The following KALRN variants were observed in gnomAD, a reference collection of about 807,000 sequenced individuals.
KALRN encodes kalirin.
In KALRN, 70 loss-of-function variants were observed where a neutral mutation model predicts 353.7. The observed-to-expected ratio is 0.20, with a 90% CI of 0.16 to 0.24. The LOEUF (loss-of-function observed/expected upper bound fraction) is 0.24, where lower values mean the gene tolerates loss of function less well. KALRN is among the 10% of genes least tolerant of loss of function. The pLI is 1.00. For synonymous variants in KALRN, 1,391 were observed against 1,434.8 expected (o/e 0.97, Z 0.69); for missense variants, 2,791 against 3,756.7 (o/e 0.74, Z 6.72).
chr3:124,544,176 C>A (rs1203139287), intron 33 of KALRN, among the ~76,000 whole-genome samples: 3 of 152,170 alleles, frequency 2.0e-5, no homozygotes, highest in Non-Finnish European at 4.4e-5. Flanking sequence ...GTTTGTAAAG[C>A]CTTGCAGAAG....
chr3:124,254,526 G>A (rs1267557958), intron 3 of KALRN, among the ~76,000 whole-genome samples: 1 of 151,158 alleles, frequency 6.6e-6, no homozygotes, highest in East Asian at 1.9e-4. Context: ...CCTTGTGACT[G>A]TAAGCAACTT....
intron 1 of KALRN, among the ~76,000 whole-genome samples, chr3:124,171,691 T>C (rs1326093699): frequency 6.6e-6 from 1 of 152,192 alleles, no homozygotes; most frequent in Admixed American, 6.5e-5. Flanking sequence ...GGCTATCTTA[T>C]AAACAACCTA....
At chr3:124,539,305 T>C (rs1193090016) in intron 33 of KALRN, among the ~76,000 whole-genome samples, 5 of 152,222 alleles carry the variant, frequency 3.3e-5, no homozygotes, top group Non-Finnish European at 7.3e-5. Flanking sequence ...TGGGGACTGA[T>C]AGATCTTCTC....
At chr3:124,470,463 A>G (rs1186181391) in intron 25 of KALRN, among the ~76,000 whole-genome samples, 2 of 152,198 alleles carry the variant, frequency 1.3e-5, no homozygotes. Context: ...CAACATTTAC[A>G]TTGAGATGGT....
At chr3:124,594,440 G>A (rs2076086008) in intron 34 of KALRN, among the ~76,000 whole-genome samples, 1 of 152,148 alleles carries the variant, frequency 6.6e-6, no homozygotes, top group Admixed American at 6.5e-5. Context: ...TGGCCAGGAT[G>A]GTCTCGATCT....
rs2093746881 is a variant in KALRN, at chr3:124,443,870, A to G, written c.3313+1811A>G. 3.3e-5 allele frequency among the ~76,000 whole-genome samples: 5 copies of G among 152,174 alleles called. No individual in the cohort carries two copies. In the South Asian group the frequency reaches 1.0e-3, roughly 32 times the overall value. ...TAGAGGGAGGGAGCTTCAATGAGCA[A>G]AACTCTGGCTAGGGAACATAAAGAC... is the stretch of plus-strand genomic sequence containing the variant. On this transcript the variant is annotated intron_variant, in intron 19 of 59. Transcript: ENST00000682506.
chr3:124,584,542 C>A, intron 34 of KALRN: 1 of 1,088,630 alleles, frequency 9.2e-7, no homozygotes, highest in Non-Finnish European at 1.2e-6. Flanking sequence ...CCACAGGCAG[C>A]GTTACATGAG....
intron 16 of KALRN, 27 bp downstream of exon 16, chr3:124,430,802 C>A: frequency 6.2e-7 from 1 of 1,607,086 alleles, no homozygotes; most frequent in Non-Finnish European, 8.5e-7. Context: ...GCTGCACTGT[C>A]CTCCCTTCGC....
intron 1 of KALRN, chr3:124,094,533 C>T (rs140949603): frequency 5.0e-4 from 217 of 432,852 alleles, no homozygotes; most frequent in African/African-American, 3.7e-3. Context: ...CCACTGCAAA[C>T]CTCGCGTCTT....
chr3:124,422,709 A>G, intron 14 of KALRN, 103 bp from the exon 15 acceptor site: 3 of 927,064 alleles, frequency 3.2e-6, no homozygotes, highest in Non-Finnish European at 5.0e-6. Flanking sequence ...GAGGGTATGA[A>G]TAATGGCTGT....
chr3:124,346,928 A>G (rs1185901807), intron 9 of KALRN, among the ~76,000 whole-genome samples: 2 of 152,318 alleles, frequency 1.3e-5, no homozygotes, highest in East Asian at 1.9e-4. Flanking sequence ...ATCAAAAAGG[A>G]TAAGTTGAAT....
chr3:124,690,890 G>C (rs1405547991), intron 51 of KALRN, among the ~76,000 whole-genome samples: 1 of 152,200 alleles, frequency 6.6e-6, no homozygotes, highest in Non-Finnish European at 1.5e-5. Flanking sequence ...GTAGTCCTTA[G>C]CAGAGACACT....
chr3:124,556,512 G>A (rs1281316899), intron 33 of KALRN, among the ~76,000 whole-genome samples: 1 of 152,206 alleles, frequency 6.6e-6, no homozygotes, highest in Non-Finnish European at 1.5e-5. Context: ...GAGGACAGAA[G>A]TTTAGTAGAG....
chr3:124,662,839 C>G (rs71323879), intron 45 of KALRN, among the ~76,000 whole-genome samples: 6,991 of 152,284 alleles, frequency 0.046, 218 homozygotes, highest in Middle Eastern at 0.13. Context: ...CTCCTGAGAG[C>G]TGTGAGGGAG....
intron 10 of KALRN, among the ~76,000 whole-genome samples, chr3:124,383,609 A>T (rs2087748648): frequency 6.6e-6 from 1 of 152,150 alleles, no homozygotes. Context: ...GACACCAGTC[A>T]TATTGGATTA....
At chr3:124,360,890 T>C (rs1050564647) in intron 10 of KALRN, among the ~76,000 whole-genome samples, 1 of 152,248 alleles carries the variant, frequency 6.6e-6, no homozygotes, top group African/African-American at 2.4e-5. Context: ...ATAGGAGGAA[T>C]GTATGCAAAT....
intron 3 of KALRN, among the ~76,000 whole-genome samples, chr3:124,242,413 A>G (rs956594354): frequency 6.6e-6 from 1 of 152,218 alleles, no homozygotes; most frequent in South Asian, 2.1e-4. Context: ...CTGGAGCCAG[A>G]TGGTCTAGCA....
intron 34 of KALRN, among the ~76,000 whole-genome samples, chr3:124,616,382 T>A (rs1231362544): frequency 6.6e-6 from 1 of 152,198 alleles, no homozygotes; most frequent in Non-Finnish European, 1.5e-5. Context: ...TACATAAGCC[T>A]AAAATAACTC....
chr3:124,322,907 C>T (rs79588410), intron 6 of KALRN, among the ~76,000 whole-genome samples: 1 of 152,096 alleles, frequency 6.6e-6, no homozygotes, highest in Non-Finnish European at 1.5e-5. Flanking sequence ...TGAACTTGAG[C>T]GATGTGACTT....
Sources: allele counts gnomAD v4.1 joint callset (sites outside exome capture counted in the v4.1 genomes callset), GRCh38; gene constraint gnomAD v4.1.1; transcripts MANE v1.5; gene names NCBI Gene and HGNC (gene_info 2026-07-23, HGNC 2026-07-21).